AP5M1: variants seen among roughly 807,000 people sequenced by gnomAD.
AP5M1 encodes the protein AP-5 complex subunit mu-1.
AP5M1 carries 44 observed loss-of-function variants against 52.3 expected under a neutral mutation model. The observed-to-expected ratio is 0.84, with a 90% CI of 0.66 to 1.08. The LOEUF is 1.08. AP5M1 is among the 50% of genes least tolerant of loss of function. The pLI is 0.00. For missense variants in AP5M1, 526 were observed against 568.4 expected (o/e 0.93, Z 0.76); for synonymous variants, 213 against 199.0 (o/e 1.07, Z -0.59).
chr14:57,283,220 C>T lies in AP5M1; in HGVS notation c.1283C>T (p.Ala428Val), dbSNP rs764793392. Reference protein sequence around the residue: ...PFDPICTGETAYLKLHFRILD... With the variant: ...PFDPICTGETVYLKLHFRILD... Reference sequence around the variant, plus strand: ...GACCCAATTTGTACTGGAGAAACAGCATATTTAAAGGTAAACATATTTATA... The same window carrying T: ...GACCCAATTTGTACTGGAGAAACAGTATATTTAAAGGTAAACATATTTATA... Residue 428 changes from alanine to valine, a missense_variant, in exon 6 of 8, where the codon GCA becomes GTA. Coordinates refer to ENST00000261558, the MANE Select transcript of AP5M1 (RefSeq NM_018229.4). The T allele has an allele frequency of 1.2e-6, 2 of 1,602,566 alleles. No individual in the cohort carries two copies. Among genetic ancestry groups the T allele is most frequent in the East Asian group, 4.5e-5 (2 of 44,776 alleles).
chr14:57,274,379 G>A lies in AP5M1; in HGVS notation c.210G>A (p.Glu70=), dbSNP rs201721178. The A allele has an allele frequency of 1.9e-6, 3 of 1,614,146 alleles. No homozygotes were observed. The highest frequency in any genetic ancestry group is 8.5e-7 in the Non-Finnish European group (1 of 1,180,024). Residue 70 remains glutamate, a synonymous_variant, in exon 2 of 8, where the codon GAG becomes GAA. Coordinates refer to ENST00000261558, the MANE Select transcript of AP5M1 (RefSeq NM_018229.4). The part of the protein sequence containing the change: ...RLLDDDKDFV[E]SRDSCSRINK... ...TGGATGATGATAAAGACTTCGTTGAGAGTCGTGATAGCTGTTCACGCATCA... is the reference window on the plus strand; with the variant it reads ...TGGATGATGATAAAGACTTCGTTGAAAGTCGTGATAGCTGTTCACGCATCA...
Position 57,297,641 on chromosome 14 carries a change from AT to A in AP5M1, c.*8760del, listed in dbSNP as rs1252001237. 6.6e-6 allele frequency: 1 copy of A among 152,008 alleles called. No homozygotes were observed. The highest frequency in any genetic ancestry group is 6.6e-5 in the Admixed American group (1 of 15,222). 9.4% of individuals were successfully genotyped at this position (152,008 alleles called of 1,614,324 possible). On this transcript the variant is annotated 3_prime_UTR_variant, in exon 8 of 8. Coordinates refer to ENST00000261558, the MANE Select transcript of AP5M1 (RefSeq NM_018229.4). The stretch of plus-strand genomic sequence containing the variant: ...GCTCTAGAGTAGTGGCCTCACATTG[AT>A]TTATATTAGTGTGCCAGTCTTTCCC...
intron 2 of AP5M1, 67 bp downstream of exon 2, chr14:57,274,956 A>G: frequency 6.4e-7 from 1 of 1,551,258 alleles, no homozygotes; most frequent in East Asian, 2.2e-5. Context: ...TAAATTTGCT[A>G]GTTGTATTTT....
chr14:57,275,057 A>G, intron 2 of AP5M1, 168 bp downstream of exon 2: 2 of 681,572 alleles, frequency 2.9e-6, no homozygotes, highest in African/African-American at 3.6e-5. Flanking sequence ...TTCCTTACCA[A>G]TTATATTAGT....
Position 57,282,155 on chromosome 14 carries a change from A to G in AP5M1, c.1015A>G (p.Ile339Val). 6.3e-7 allele frequency: 1 copy of G among 1,582,530 alleles called. No homozygotes were observed. The highest frequency in any genetic ancestry group is 1.7e-4 in the Middle Eastern group (1 of 6,002). The change falls in exon 4 of 8, where the codon ATT (isoleucine) becomes GTT (valine). Residue 339 changes from isoleucine (I) to valine (V), a missense_variant. By Grantham distance (29) the Ile-to-Val change is conservative. Transcript: ENST00000261558. ...GGAAGAAGTACAACTAAGAATAACC[A>G]TTAATTTAAAACTTCATGAAAGTGT... ...KEEEVQLRIT[I>V]NLKLHESVKN...
intron 1 of AP5M1, chr14:57,273,726 C>G: frequency 1.4e-6 from 1 of 702,148 alleles, no homozygotes; most frequent in Non-Finnish European, 2.6e-6. Context: ...CAAGAAGACT[C>G]AGGGTACCTG....
intron 1 of AP5M1, among the ~76,000 whole-genome samples, chr14:57,272,339 A>G: frequency 6.6e-6 from 1 of 152,230 alleles, no homozygotes; most frequent in Non-Finnish European, 1.5e-5. Flanking sequence ...AGTGGCCAAT[A>G]TTTAAGATTT....
intron 6 of AP5M1, among the ~76,000 whole-genome samples, chr14:57,284,065 C>G (rs558822009): frequency 6.6e-6 from 1 of 152,242 alleles, no homozygotes; most frequent in South Asian, 2.1e-4. Flanking sequence ...CAGTGTTGCA[C>G]ATCAACAATT....
intron 6 of AP5M1, among the ~76,000 whole-genome samples, chr14:57,284,674 A>G (rs1885265913): frequency 6.6e-6 from 1 of 152,182 alleles, no homozygotes; most frequent in Non-Finnish European, 1.5e-5. Flanking sequence ...TTGTTCCAAG[A>G]TGATATTGTT....
chr14:57,285,865 A>G (rs186591492), intron 6 of AP5M1, among the ~76,000 whole-genome samples: 1 of 152,234 alleles, frequency 6.6e-6, no homozygotes, highest in African/African-American at 2.4e-5. Flanking sequence ...TCTGAGTTCA[A>G]ATGCCAGCTC....
At chr14:57,272,298 G>GAT (rs1302937007) in intron 1 of AP5M1, among the ~76,000 whole-genome samples, 3 of 152,158 alleles carry the variant, frequency 2.0e-5, no homozygotes, top group Non-Finnish European at 4.4e-5. Flanking sequence ...GAGCTACACA[G>GAT]ATAGGCACTG....
rs1159987011 is a variant in AP5M1 at position 57,294,713 on chromosome 14, A to C, written c.*5829A>C. Reference sequence around the variant, plus strand: ...ACTATAGTAACACACATTCCCTCACAGAAAGGAGATTGGGAAAATAGCTAT... The same window carrying C: ...ACTATAGTAACACACATTCCCTCACCGAAAGGAGATTGGGAAAATAGCTAT... On this transcript the variant is annotated 3_prime_UTR_variant, in exon 8 of 8. Transcript: ENST00000261558. The C allele has an allele frequency of 2.0e-5, 3 of 151,950 alleles. No individual in the cohort carries two copies. The highest frequency in any genetic ancestry group is 4.4e-5 in the Non-Finnish European group (3 of 67,862). The allele number at this position is 151,950 out of a possible 1,614,324, so 9.4% of individuals were successfully genotyped here.
intron 2 of AP5M1, among the ~76,000 whole-genome samples, chr14:57,277,313 T>C (rs193022431): frequency 1.3e-5 from 2 of 152,274 alleles, no homozygotes; most frequent in African/African-American, 4.8e-5. Flanking sequence ...ATGGTTGATC[T>C]TTCTCTGACC....
In AP5M1 at chr14:57,269,079, T is replaced by G; in HGVS notation, c.-236T>G. ...GAGTTGCAGGGTATAGGTAAATTTCTCAAGGTTATAGGTTGGGGTTCTTAG... is the reference window on the plus strand; with the variant it reads ...GAGTTGCAGGGTATAGGTAAATTTCGCAAGGTTATAGGTTGGGGTTCTTAG... On this transcript the variant is annotated 5_prime_UTR_variant, in exon 1 of 8. Transcript: ENST00000261558. 2 of 570,080 alleles carry G rather than the reference T, an allele frequency of 3.5e-6. No homozygotes were observed. Among genetic ancestry groups the G allele is most frequent in the South Asian group, 4.6e-5 (2 of 43,462 alleles). The allele number at this position is 570,080 out of a possible 1,614,324, so 35.3% of individuals were successfully genotyped here.
At chr14:57,273,312 G>C (rs1884939491) in intron 1 of AP5M1, among the ~76,000 whole-genome samples, 1 of 152,062 alleles carries the variant, frequency 6.6e-6, no homozygotes, top group Non-Finnish European at 1.5e-5. Flanking sequence ...ATAAAAAACT[G>C]TTTTAGCCAG....
Position 57,282,352 on chromosome 14 carries a change from T to C in AP5M1, c.1088+124T>C, listed in dbSNP as rs1044650009. The C allele has an allele frequency of 4.6e-6, 3 of 658,628 alleles. No individual in the cohort carries two copies. In the Admixed American group the frequency reaches 1.3e-4, roughly 28 times the overall value. The allele number at this position is 658,628 out of a possible 1,614,324, so 40.8% of individuals were successfully genotyped here. A position where few individuals can be genotyped will look rare whatever the true frequency, so the allele number is the denominator to read the frequency against. On this transcript the variant is annotated intron_variant, in intron 4 of 7. Coordinates refer to ENST00000261558, the MANE Select transcript of AP5M1 (RefSeq NM_018229.4). ...TCTGAACAATTTTATTTTATTTAAA[T>C]GAATGCTGATTTTCATGATATAGTC...
chr14:57,280,544 T>C (rs1448074647), intron 3 of AP5M1, 122 bp downstream of exon 3: 1 of 718,688 alleles, frequency 1.4e-6, no homozygotes, highest in Non-Finnish European at 2.3e-6. Context: ...CAGACAATAA[T>C]TGATGATTGA....
In AP5M1 at chr14:57,293,293, A is replaced by G. The variant is rs1272925654; in HGVS notation, c.*4409A>G. The G allele has an allele frequency of 1.3e-5, 2 of 151,758 alleles. No homozygotes were observed. The highest frequency in any genetic ancestry group is 6.6e-5 in the Admixed American group (1 of 15,180). 9.4% of individuals were successfully genotyped at this position (151,758 alleles called of 1,614,324 possible). A position where few individuals can be genotyped will look rare whatever the true frequency, so the allele number is the denominator to read the frequency against. On this transcript the variant is annotated 3_prime_UTR_variant, in exon 8 of 8. Coordinates refer to ENST00000261558, the MANE Select transcript of AP5M1 (RefSeq NM_018229.4). ...ATATGTTTTTAAAGATTAGATTTTG[A>G]TTAATGATTTAGTTATATACAGCAT...
At chr14:57,286,112 T>C (rs1885301709) in intron 6 of AP5M1, 111 bp from the exon 7 acceptor site, 1 of 696,336 alleles carries the variant, frequency 1.4e-6, no homozygotes, top group Admixed American at 2.5e-5. Flanking sequence ...TGGTTTTTAT[T>C]TTGTGAACTG....
Sources: gnomAD v4.1 joint callset for allele counts (sites outside exome capture counted in the v4.1 genomes callset) on GRCh38, gnomAD v4.1.1 for gene constraint, MANE v1.5 for transcripts, NCBI Gene and HGNC (gene_info 2026-07-23, HGNC 2026-07-21) for gene names.